Variants in SYCP1 observed in about 807,000 individuals in gnomAD.
The protein encoded by SYCP1 is cancer/testis antigen 8.
SYCP1 carries 64 observed loss-of-function variants against 153.1 expected under a neutral mutation model. That is an observed-to-expected ratio of 0.42 (90% confidence interval 0.34 to 0.51). The LOEUF is 0.51. SYCP1 is among the 20% of genes least tolerant of loss of function. The probability of loss-of-function intolerance (pLI) is 0.06; values close to 1 mark genes in which losing one functional copy is unlikely to be tolerated. For missense variants in SYCP1, 997 were observed against 1,049.0 expected (o/e 0.95, Z 0.68); for synonymous variants, 384 against 341.8 (o/e 1.12, Z -1.36).
Position 114,923,491 on chromosome 1 carries a change from A to G in SYCP1, c.1761A>G (p.Arg587=). ...EYVREELKQK[R]DEVKCKLDKS... is the part of the protein sequence containing the mutation. ...TGAGAGAAGAGCTAAAACAGAAAAG[A>G]GATGAAGTTAAATGTAAATTGGACA... The change falls in exon 21 of 32, where the codon AGA becomes AGG. Residue 587 remains arginine (R), a synonymous_variant. Transcript: ENST00000369522. 3 of 1,592,674 alleles carry G rather than the reference A, an allele frequency of 1.9e-6. No individual in the cohort carries two copies. Among genetic ancestry groups the G allele is most frequent in the Non-Finnish European group, 2.6e-6 (3 of 1,166,508 alleles).
chr1:114,968,762 G>A (rs1382515001), intron 27 of SYCP1, among the ~76,000 whole-genome samples: 1 of 152,166 alleles, frequency 6.6e-6, no homozygotes, highest in African/African-American at 2.4e-5. Flanking sequence ...AGGCATTCTG[G>A]TTTTTGGAAT....
chr1:114,889,233 G>T (rs1157649063), intron 15 of SYCP1, among the ~76,000 whole-genome samples: 2 of 152,144 alleles, frequency 1.3e-5, no homozygotes, highest in Non-Finnish European at 2.9e-5. Flanking sequence ...TAATGGGATT[G>T]CTGGGTCAAA....
chr1:114,963,796 CAA>C (rs1214080386), intron 27 of SYCP1, among the ~76,000 whole-genome samples: 3 of 152,166 alleles, frequency 2.0e-5, no homozygotes, highest in Admixed American at 2.0e-4. Flanking sequence ...GGGTTGGTTC[CAA>C]GTCTTTGCTA....
Position 114,913,995 on chromosome 1 carries a change from A to T in SYCP1, c.1668A>T (p.Glu556Asp). ...EDINNNKKQEERMLKQIENLQ... is the reference protein window; with the variant it reads ...EDINNNKKQEDRMLKQIENLQ... ...TTTAGAATAACAAAAAGCAAGAAGAAAGGATGTTGAAACAAATAGAAAATC... is the reference window on the plus strand; with the variant it reads ...TTTAGAATAACAAAAAGCAAGAAGATAGGATGTTGAAACAAATAGAAAATC... The change falls in exon 20 of 32, where the codon GAA becomes GAT. Residue 556 changes from glutamate to aspartate, a missense_variant. This residue lies in a region of SYCP1 where 712 missense variants were observed against 682.9 expected (regional missense o/e 1.04). Coordinates refer to ENST00000369522, the MANE Select transcript of SYCP1 (RefSeq NM_003176.4). 1 of 1,575,458 alleles carries T rather than the reference A, an allele frequency of 6.3e-7. No homozygotes were observed. Among genetic ancestry groups the T allele is most frequent in the South Asian group, 1.2e-5 (1 of 82,130 alleles).
Position 114,947,588 on chromosome 1 carries a change from C to T in SYCP1, c.2322+268C>T, listed in dbSNP as rs1284905397. ...CAGCACTTTGGGAGGCCGAGGCGGG[C>T]GGATCATGAGGTCAGGAGATCGAGA... On this transcript the variant is annotated intron_variant, in intron 27 of 31. Transcript: ENST00000369522. Among the ~76,000 whole-genome samples the T allele has an allele frequency of 5.9e-5, 9 of 151,412 alleles. 1 individual carries two copies. In the South Asian group the frequency reaches 1.2e-3, roughly 21 times the overall value.
intron 16 of SYCP1, among the ~76,000 whole-genome samples, chr1:114,907,602 G>A (rs1273168466): frequency 1.5e-5 from 2 of 129,140 alleles, no homozygotes; most frequent in African/African-American, 2.9e-5. Flanking sequence ...TTTTTTTTTA[G>A]ATGGAGTCTT....
intron 8 of SYCP1, among the ~76,000 whole-genome samples, chr1:114,864,750 A>C (rs970474149): frequency 6.6e-6 from 1 of 152,088 alleles, no homozygotes; most frequent in African/African-American, 2.4e-5. Context: ...GGCCTCCCAA[A>C]ATGTTGGGAT....
At chr1:114,925,001 A>G (rs531628101) in intron 21 of SYCP1, among the ~76,000 whole-genome samples, 1 of 152,276 alleles carries the variant, frequency 6.6e-6, no homozygotes, top group African/African-American at 2.4e-5. Flanking sequence ...GTATTATCTT[A>G]CTTAACTAGA....
chr1:114,959,652 A>G (rs1185205769), intron 27 of SYCP1, among the ~76,000 whole-genome samples: 1 of 152,120 alleles, frequency 6.6e-6, no homozygotes, highest in Non-Finnish European at 1.5e-5. Context: ...CTATTGTGCT[A>G]TCAAATGCTA....
At chr1:114,895,756 C>T (rs1278318076) in intron 16 of SYCP1, among the ~76,000 whole-genome samples, 1 of 151,974 alleles carries the variant, frequency 6.6e-6, no homozygotes, top group African/African-American at 2.4e-5. Flanking sequence ...ATCAAATTTG[C>T]ATGTTATGTA....
At chr1:114,858,934 TAATA>T (rs1176294371) in intron 6 of SYCP1, among the ~76,000 whole-genome samples, 3 of 152,178 alleles carry the variant, frequency 2.0e-5, no homozygotes, top group African/African-American at 4.8e-5. Context: ...ATTAGGGAAA[TAATA>T]AATCACTTTA....
intron 6 of SYCP1, among the ~76,000 whole-genome samples, chr1:114,859,030 C>T (rs1392986303): frequency 6.6e-6 from 1 of 152,016 alleles, no homozygotes; most frequent in Non-Finnish European, 1.5e-5. Context: ...TAAATATATT[C>T]TCTTAGATTA....
chr1:114,954,547 T>TTTTATTTATTTATTTATTTA (rs4045000), intron 27 of SYCP1, among the ~76,000 whole-genome samples: 58 of 148,396 alleles, frequency 3.9e-4, no homozygotes, highest in Non-Finnish European at 5.9e-4. Flanking sequence ...TCAGTATGCT[T>TTTTATTTATTTATTTATTTA]TTTATTTATT....
chr1:114,919,948 A>C (rs360582), intron 20 of SYCP1, among the ~76,000 whole-genome samples: 1 of 151,596 alleles, frequency 6.6e-6, no homozygotes, highest in East Asian at 1.9e-4. Context: ...CAAAAAACCA[A>C]CTTTTTGTTT....
At chr1:114,982,130 GTTTCCT>G (rs1282175124) in intron 29 of SYCP1, among the ~76,000 whole-genome samples, 1 of 151,780 alleles carries the variant, frequency 6.6e-6, no homozygotes, top group African/African-American at 2.4e-5. Flanking sequence ...CCTCTCTCTC[GTTTCCT>G]TTTCCTCTCC....
In SYCP1 at chr1:114,977,546, A is replaced by T; in HGVS notation, c.2323-11A>T. The T allele has an allele frequency of 7.1e-7, 1 of 1,408,520 alleles. No individual in the cohort carries two copies. Among genetic ancestry groups the T allele is most frequent in the South Asian group, 1.4e-5 (1 of 70,814 alleles). The allele number at this position is 1,408,520 out of a possible 1,614,324, so 87.3% of individuals were successfully genotyped here. A position where few individuals can be genotyped will look rare whatever the true frequency, so the allele number is the denominator to read the frequency against. ...TTTATGTTACTTGTACTTGATATTT[A>T]TTTTTAATAGGAAAAACTCAAAAGA... is the stretch of plus-strand genomic sequence containing the variant. On this transcript the variant is annotated splice_polypyrimidine_tract_variant and intron_variant, in intron 27 of 31. Transcript: ENST00000369522.
intron 27 of SYCP1, among the ~76,000 whole-genome samples, chr1:114,964,185 C>G (rs1201100089): frequency 6.6e-6 from 1 of 151,994 alleles, no homozygotes; most frequent in Non-Finnish European, 1.5e-5. Flanking sequence ...TGAGAAGTGT[C>G]TCTTCATATC....
At chr1:114,947,968 T>C (rs1670849401) in intron 27 of SYCP1, among the ~76,000 whole-genome samples, 1 of 151,990 alleles carries the variant, frequency 6.6e-6, no homozygotes, top group Non-Finnish European at 1.5e-5. Flanking sequence ...GCAGGTTTGT[T>C]ACATATGTAT....
intron 12 of SYCP1, among the ~76,000 whole-genome samples, chr1:114,883,418 GT>G (rs1666083652): frequency 2.0e-5 from 3 of 152,066 alleles, no homozygotes; most frequent in African/African-American, 7.2e-5. Flanking sequence ...ATGGTGCTTT[GT>G]TTCCCATTGT....
Sources: gnomAD v4.1 joint callset for allele counts (sites outside exome capture counted in the v4.1 genomes callset) on GRCh38, gnomAD v4.1.1 for gene constraint, gnomAD v4.1.1 regional missense constraint, MANE v1.5 for transcripts, NCBI Gene and HGNC (gene_info 2026-07-23, HGNC 2026-07-21) for gene names.